Variants in LSM6 observed in about 807,000 individuals in gnomAD.
The protein encoded by LSM6 is U6 snRNA-associated Sm-like protein LSm6.
In LSM6, 2 loss-of-function variants were observed where a neutral mutation model predicts 13.5. The observed-to-expected ratio is 0.15, with a 90% confidence interval of 0.06 to 0.47. LSM6 has a LOEUF of 0.47. Ranked by LOEUF, LSM6 falls within the 20% of genes least tolerant of loss-of-function variation. The pLI, the probability that LSM6 is intolerant of heterozygous loss-of-function variation, is 0.97. For synonymous variants in LSM6, 43 were observed against 34.9 expected, an observed-to-expected ratio of 1.23 and a Z score of -0.82; for missense variants, 58 against 96.4, an observed-to-expected ratio of 0.60 and a Z score of 1.67.
In LSM6 at chr4:146,190,386, TTC is replaced by T. The variant is rs1468100483; in HGVS notation, c.*735_*736del. On this transcript the variant is annotated 3_prime_UTR_variant, in exon 4 of 4. Transcript: ENST00000296581. Reference sequence around the variant, plus strand: ...TTCAGGAGCATTGGCATCAACGTTATTCTCTCAGTTTATGAACACAGTAGGGG... The same window carrying T: ...TTCAGGAGCATTGGCATCAACGTTATTCTCAGTTTATGAACACAGTAGGGG... The T allele has an allele frequency of 1.3e-5, 2 of 152,358 alleles. No homozygotes were observed. The highest frequency in any genetic ancestry group is 4.8e-5 in the African/African-American group (2 of 41,468). 9.4% of individuals were successfully genotyped at this position (152,358 alleles called of 1,614,324 possible).
intron 1 of LSM6, among the ~76,000 whole-genome samples, chr4:146,177,925 T>TTA (rs1489963173): frequency 1.3e-5 from 2 of 152,182 alleles, no homozygotes; most frequent in African/African-American, 2.4e-5. Flanking sequence ...CTGGAGAACT[T>TTA]TATAAAATGT....
intron 1 of LSM6, among the ~76,000 whole-genome samples, chr4:146,177,240 G>A (rs1730132248): frequency 6.6e-6 from 1 of 152,196 alleles, no homozygotes; most frequent in Non-Finnish European, 1.5e-5. Context: ...TGCCTCCCAA[G>A]TGAGTACTCT....
chr4:146,179,762 T>G (rs1383838452), intron 1 of LSM6, among the ~76,000 whole-genome samples: 1 of 152,240 alleles, frequency 6.6e-6, no homozygotes, highest in Admixed American at 6.5e-5. Context: ...GATGGGCATC[T>G]GCACTCTGCT....
intron 1 of LSM6, chr4:146,176,586 T>G (rs1177094960): frequency 2.6e-5 from 4 of 152,190 alleles, no homozygotes; most frequent in African/African-American, 9.7e-5. Flanking sequence ...CTCTTGTATG[T>G]GCTAGCTTCT....
At position 146,191,130 on chromosome 4, in the gene LSM6, T is replaced by G. The variant is rs1156666292; in HGVS notation, c.*1474T>G. The G allele has an allele frequency of 2.0e-5, 3 of 152,222 alleles. No individual in the cohort carries two copies. In the East Asian group the frequency reaches 5.8e-4, roughly 29 times the overall value. The allele number at this position is 152,222 out of a possible 1,614,324, so 9.4% of individuals were successfully genotyped here. On this transcript the variant is annotated 3_prime_UTR_variant, in exon 4 of 4. Transcript: ENST00000296581. ...AATTTATCACTTCTTGACAGGGGCT[T>G]GGAAAAGGTCCAGTATGTAAGTACA... is the stretch of plus-strand genomic sequence containing the variant.
rs766485633 is a variant in LSM6 at position 146,187,374 on chromosome 4, C to G, written c.195C>G (p.Ile65Met). ...AGAATAAGTATGGGGATGCATTTATCCGAGGAAACAATGGTAACATTTCTT... is the reference window on the plus strand; with the variant it reads ...AGAATAAGTATGGGGATGCATTTATGCGAGGAAACAATGGTAACATTTCTT... The part of the protein sequence containing the change: ...QLKNKYGDAF[I>M]RGNNVLYIST... Residue 65 changes from isoleucine (I) to methionine (M), a missense_variant, in exon 3 of 4, where the codon ATC (isoleucine) becomes ATG (methionine). This residue lies in a region of LSM6 where 23 missense variants were observed against 27.5 expected (regional missense o/e 0.84). Transcript: ENST00000296581. 1 of 1,602,904 alleles carries G rather than the reference C, an allele frequency of 6.2e-7. No homozygotes were observed. Among genetic ancestry groups the G allele is most frequent in the South Asian group, 1.1e-5 (1 of 90,796 alleles).
intron 2 of LSM6, chr4:146,183,703 CCA>C (rs1477234925): frequency 1.3e-5 from 2 of 151,966 alleles, no homozygotes; most frequent in Non-Finnish European, 2.9e-5. Context: ...TAACAGAATA[CCA>C]CAGACTGGGT....
chr4:146,189,946 C>A lies in LSM6; in HGVS notation c.*290C>A. 3.5e-6 allele frequency: 1 copy of A among 289,146 alleles called. No homozygotes were observed. Among genetic ancestry groups the A allele is most frequent in the Admixed American group, 5.0e-5 (1 of 20,136 alleles). 17.9% of individuals were successfully genotyped at this position (289,146 alleles called of 1,614,324 possible). A position where few individuals can be genotyped will look rare whatever the true frequency, so the allele number is the denominator to read the frequency against. On this transcript the variant is annotated 3_prime_UTR_variant, in exon 4 of 4. Transcript: ENST00000296581. ...CTACAAGATTATTTAACTTAAGTTT[C>A]GAGAAGTGTCATTTCATTTGACTTG...
chr4:146,181,479 G>C (rs999322256), intron 1 of LSM6, among the ~76,000 whole-genome samples: 23 of 152,158 alleles, frequency 1.5e-4, no homozygotes, highest in Non-Finnish European at 3.2e-4. Flanking sequence ...TAGAGTTCCA[G>C]CTTACTACAA....
At chr4:146,183,337 C>T in intron 2 of LSM6, 1 of 243,286 alleles carries the variant, frequency 4.1e-6, no homozygotes, top group Non-Finnish European at 8.2e-6. Flanking sequence ...AACTGAAGAA[C>T]ATCTTGGTGC....
chr4:146,181,268 G>T (rs1730224728), intron 1 of LSM6: 1 of 152,138 alleles, frequency 6.6e-6, no homozygotes, highest in South Asian at 2.1e-4. Flanking sequence ...TCTTTTATTT[G>T]ACTTAGGATG....
Position 146,189,946 on chromosome 4 carries a change from C to T in LSM6, c.*290C>T, listed in dbSNP as rs3756082. 0.24 allele frequency: 70,682 copies of T among 288,624 alleles called. 10,038 individuals carry two copies. Among genetic ancestry groups the T allele is most frequent in the Non-Finnish European group, 0.31 (48,244 of 157,768 alleles). The allele number at this position is 288,624 out of a possible 1,614,324, so 17.9% of individuals were successfully genotyped here. A position where few individuals can be genotyped will look rare whatever the true frequency, so the allele number is the denominator to read the frequency against. The stretch of plus-strand genomic sequence containing the variant: ...CTACAAGATTATTTAACTTAAGTTT[C>T]GAGAAGTGTCATTTCATTTGACTTG... On this transcript the variant is annotated 3_prime_UTR_variant, in exon 4 of 4. Transcript: ENST00000296581.
At chr4:146,178,575 T>C (rs1730162696) in intron 1 of LSM6, among the ~76,000 whole-genome samples, 1 of 152,262 alleles carries the variant, frequency 6.6e-6, no homozygotes, top group Non-Finnish European at 1.5e-5. Flanking sequence ...CAATTTTTGC[T>C]TTTCAAATTC....
Position 146,187,465 on chromosome 4 carries a change from T to C in LSM6, c.208+78T>C, listed in dbSNP as rs1730373744. On this transcript the variant is annotated intron_variant, in intron 3 of 3. Transcript: ENST00000296581. ...TAATCCAGATCACCAAAGAGGTTTC[T>C]AGATAATTTAAAAGTCCACTTTTAG... The C allele has an allele frequency of 7.0e-6, 6 of 855,162 alleles. No individual in the cohort carries two copies. The East Asian group carries it at 1.6e-4, about 22-fold the overall frequency. 53.0% of individuals were successfully genotyped at this position (855,162 alleles called of 1,614,324 possible).
chr4:146,184,595 A>G (rs1486297557), intron 2 of LSM6, among the ~76,000 whole-genome samples: 6 of 152,120 alleles, frequency 3.9e-5, no homozygotes, highest in African/African-American at 9.7e-5. Context: ...ACTTTTGATG[A>G]TGGGCCCATA....
Position 146,189,771 on chromosome 4 carries a change from T to G in LSM6, c.*115T>G, listed in dbSNP as rs1730429362. On this transcript the variant is annotated 3_prime_UTR_variant, in exon 4 of 4. Transcript: ENST00000296581. The stretch of plus-strand genomic sequence containing the variant: ...CTCTTTTTATAATAGTTGGTGATTT[T>G]TCACTGACATGTGAGTAAGATAAAT... 2.9e-6 allele frequency: 2 copies of G among 689,026 alleles called. No homozygotes were observed. Among genetic ancestry groups the G allele is most frequent in the Middle Eastern group, 3.3e-4 (1 of 3,020 alleles). The allele number at this position is 689,026 out of a possible 1,614,324, so 42.7% of individuals were successfully genotyped here.
intron 2 of LSM6, among the ~76,000 whole-genome samples, chr4:146,184,561 C>A (rs369120285): frequency 6.6e-6 from 1 of 152,060 alleles, no homozygotes; most frequent in South Asian, 2.1e-4. Context: ...TATAATGTCT[C>A]CGTGTACTGC....
intron 2 of LSM6, among the ~76,000 whole-genome samples, chr4:146,185,542 C>G (rs186347611): frequency 6.1e-4 from 92 of 150,142 alleles, no homozygotes; most frequent in Non-Finnish European, 1.2e-3. Context: ...TCCAGCAACT[C>G]TCTGTAGCAG....
At chr4:146,187,166 G>T (rs1370813210) in intron 2 of LSM6, 108 bp from the exon 3 acceptor site, 8 of 580,754 alleles carry the variant, frequency 1.4e-5, no homozygotes, top group East Asian at 2.9e-5. Flanking sequence ...TTTATATTAA[G>T]CATCTAAGAA....
Sources: gnomAD v4.1 joint callset for allele counts (sites outside exome capture counted in the v4.1 genomes callset) on GRCh38, gnomAD v4.1.1 for gene constraint, gnomAD v4.1.1 regional missense constraint, MANE v1.5 for transcripts, NCBI Gene and HGNC (gene_info 2026-07-23, HGNC 2026-07-21) for gene names.